The following UBE3B variants were observed in gnomAD, a reference collection of about 807,000 sequenced individuals.
UBE3B encodes the protein ubiquitin protein ligase E3B, also known as ubiquitin-protein ligase E3B.
In UBE3B, 80 loss-of-function variants were observed where a neutral mutation model predicts 132.3. The ratio of observed to expected loss-of-function variants is 0.60; its 90% CI spans 0.50 to 0.73. The LOEUF (loss-of-function observed/expected upper bound fraction) is 0.73. Ranked by LOEUF, UBE3B falls within the 30% of genes least tolerant of loss-of-function variation. The pLI is 0.00. For missense variants in UBE3B, 1,196 were observed against 1,362.5 expected, an observed-to-expected ratio of 0.88 and a Z score of 1.92; for synonymous variants, 487 against 520.4, an observed-to-expected ratio of 0.94 and a Z score of 0.87.
intron 26 of UBE3B, 137 bp downstream of exon 26, chr12:109,530,795 A>G (rs1419210034): frequency 7.1e-6 from 6 of 842,914 alleles, no homozygotes; most frequent in Non-Finnish European, 1.1e-5. Context: ...TCCCACAGGC[A>G]GGCCTCCCGG....
At chr12:109,486,338 G>A in intron 5 of UBE3B, 133 bp from the exon 6 acceptor site, 1 of 783,220 alleles carries the variant, frequency 1.3e-6, no homozygotes, top group Non-Finnish European at 2.1e-6. Context: ...CCTGTTTACA[G>A]CTTATTTGTC....
In UBE3B at chr12:109,527,161, C is replaced by T. The variant is rs563088555; in HGVS notation, c.2627+745C>T. On this transcript the variant is annotated intron_variant, in intron 24 of 27. Coordinates refer to ENST00000342494, the MANE Select transcript of UBE3B (RefSeq NM_130466.4). ...CCGTGATGAATTCAAATGCCACAGA[C>T]GGAGGTCCTTAGACATGGGAATTGG... 5.9e-5 allele frequency among the ~76,000 whole-genome samples: 9 copies of T among 152,298 alleles called. No homozygotes were observed. In the East Asian group the frequency reaches 9.7e-4, roughly 16 times the overall value.
chr12:109,524,581 T>A, intron 23 of UBE3B, 78 bp downstream of exon 23: 1 of 1,507,240 alleles, frequency 6.6e-7, no homozygotes. Context: ...TTTGTTTTCC[T>A]CAGAAAGAGC....
intron 18 of UBE3B, among the ~76,000 whole-genome samples, chr12:109,513,294 G>C (rs1486427416): frequency 6.6e-6 from 1 of 152,164 alleles, no homozygotes; most frequent in Non-Finnish European, 1.5e-5. Flanking sequence ...CACGTGTGCT[G>C]TGGCCACTGG....
intron 26 of UBE3B, among the ~76,000 whole-genome samples, chr12:109,532,237 G>A (rs906995005): frequency 1.3e-5 from 2 of 152,132 alleles, no homozygotes; most frequent in Admixed American, 6.5e-5. Flanking sequence ...CCACAGCCCC[G>A]ACACACAGCA....
Position 109,521,580 on chromosome 12 carries a change from A to G in UBE3B, c.2364+29A>G, listed in dbSNP as rs1468271851. ...GGAACGTTAAGAAACAGAGAAATGT[A>G]AAATAAAATGTTAACGGTACCATGG... is the stretch of plus-strand genomic sequence containing the variant. On this transcript the variant is annotated intron_variant, in intron 21 of 27. Coordinates refer to ENST00000342494, the MANE Select transcript of UBE3B (RefSeq NM_130466.4). This position sits in a 1 kb window ranked among gnomAD's most constrained non-coding sequence, Gnocchi z 4.2. The G allele has an allele frequency of 1.3e-6, 2 of 1,519,234 alleles. No individual in the cohort carries two copies. Among genetic ancestry groups the G allele is most frequent in the South Asian group, 1.3e-5 (1 of 78,202 alleles). The allele number at this position is 1,519,234 out of a possible 1,614,324, so 94.1% of individuals were successfully genotyped here. A position where few individuals can be genotyped will look rare whatever the true frequency, so the allele number is the denominator to read the frequency against.
At chr12:109,491,575 G>A (rs12579621) in intron 9 of UBE3B, 1 of 154,238 alleles carries the variant, frequency 6.5e-6, no homozygotes, top group African/African-American at 2.4e-5. Flanking sequence ...CCTTCACTTA[G>A]TTTGGAGATG....
At chr12:109,493,542 T>C (rs751986014) in intron 9 of UBE3B, among the ~76,000 whole-genome samples, 1 of 152,368 alleles carries the variant, frequency 6.6e-6, no homozygotes, top group Admixed American at 6.5e-5. Context: ...TTAGATTCCA[T>C]TGAATCACTT....
chr12:109,524,615 C>G (rs1034276124), intron 23 of UBE3B, 112 bp downstream of exon 23: 2 of 1,169,766 alleles, frequency 1.7e-6, no homozygotes, highest in East Asian at 5.0e-5. Context: ...TCTGTCTGGT[C>G]CCTTGTCCTC....
Position 109,534,692 on chromosome 12 carries a change from G to A in UBE3B, c.3117G>A (p.Leu1039=). Residue 1039 remains leucine (L), a synonymous_variant, in exon 28 of 28, where the codon CTG becomes CTA. Coordinates refer to ENST00000342494, the MANE Select transcript of UBE3B (RefSeq NM_130466.4). The surrounding 1 kb of genome is among the most constrained non-coding windows in gnomAD (Gnocchi z 5.2). ...RLPTSSTCFN[L]LKLPNYSKKS... Reference sequence around the variant, plus strand: ...CCACCTCCTCCACCTGCTTCAACCTGCTCAAGCTGCCCAACTACAGCAAGA... The same window carrying A: ...CCACCTCCTCCACCTGCTTCAACCTACTCAAGCTGCCCAACTACAGCAAGA... 3.7e-6 allele frequency: 6 copies of A among 1,608,496 alleles called. No individual in the cohort carries two copies. Among genetic ancestry groups the A allele is most frequent in the African/African-American group, 1.3e-5 (1 of 74,652 alleles).
intron 11 of UBE3B, among the ~76,000 whole-genome samples, chr12:109,498,586 G>A (rs187031506): frequency 9.2e-5 from 14 of 152,312 alleles, no homozygotes; most frequent in Admixed American, 3.9e-4. Context: ...TTAGATGTCA[G>A]CCTTTAGCTT....
chr12:109,514,516 A>C (rs895036158), intron 18 of UBE3B, among the ~76,000 whole-genome samples: 1 of 152,020 alleles, frequency 6.6e-6, no homozygotes, highest in Admixed American at 6.6e-5. Context: ...GTCTTCTGCT[A>C]TCTCCACCCC....
rs147492786 is a variant in UBE3B, at chr12:109,534,650, G to T, written c.3075G>T (p.Glu1025Asp). Reference sequence around the variant, plus strand: ...GCTTCTTCACCATCCGCAAGCGGGAGCCAGGCGGCCGCCTGCCCACCTCCT... The same window carrying T: ...GCTTCTTCACCATCCGCAAGCGGGATCCAGGCGGCCGCCTGCCCACCTCCT... ...LRGFFTIRKR[E>D]PGGRLPTSST... Residue 1025 changes from glutamate to aspartate, a missense_variant, in exon 28 of 28, where the codon GAG (glutamate) becomes GAT (aspartate). Coordinates refer to ENST00000342494, the MANE Select transcript of UBE3B (RefSeq NM_130466.4). This position sits in a 1 kb window ranked among gnomAD's most constrained non-coding sequence, Gnocchi z 5.2. 11 of 1,611,732 alleles carry T rather than the reference G, an allele frequency of 6.8e-6. No individual in the cohort carries two copies. In the African/African-American group the frequency reaches 1.3e-4, roughly 20 times the overall value.
At chr12:109,519,130 A>G (rs567123321) in intron 19 of UBE3B, among the ~76,000 whole-genome samples, 13 of 152,316 alleles carry the variant, frequency 8.5e-5, no homozygotes, top group African/African-American at 2.9e-4. Flanking sequence ...ATCCTCAAAC[A>G]TACTCTTACC....
At position 109,535,351 on chromosome 12, in the gene UBE3B, T is replaced by TGCTAGGGAC. The variant is rs1883336432; in HGVS notation, c.*574_*582dup. On this transcript the variant is annotated 3_prime_UTR_variant, in exon 28 of 28. Coordinates refer to ENST00000342494, the MANE Select transcript of UBE3B (RefSeq NM_130466.4). The stretch of plus-strand genomic sequence containing the variant: ...TGCTGCCCAGGGAAGCGCAGGCGCC[T>TGCTAGGGAC]GCTAGGGACGCTATGGACACCGTGA... 6.6e-6 allele frequency: 1 copy of TGCTAGGGAC among 152,252 alleles called. No individual in the cohort carries two copies. The highest frequency in any genetic ancestry group is 1.5e-5 in the Non-Finnish European group (1 of 68,058). 9.4% of individuals were successfully genotyped at this position (152,252 alleles called of 1,614,324 possible). A position where few individuals can be genotyped will look rare whatever the true frequency, so the allele number is the denominator to read the frequency against.
rs927037214 is a variant in UBE3B, at chr12:109,510,620, G to C, written c.1856+162G>C. Among the ~76,000 whole-genome samples the C allele has an allele frequency of 8.7e-4, 133 of 152,222 alleles. 2 individuals carry two copies. The highest frequency in any genetic ancestry group is 2.1e-4 in the Non-Finnish European group (14 of 68,038). On this transcript the variant is annotated intron_variant, in intron 17 of 27. Coordinates refer to ENST00000342494, the MANE Select transcript of UBE3B (RefSeq NM_130466.4). The stretch of plus-strand genomic sequence containing the variant: ...GAGCTGCTGTCCCTGTGAAGCACCT[G>C]TCAGGACGCTTCTGTTAAGAGATGT...
In UBE3B at chr12:109,490,464, T is replaced by G; in HGVS notation, c.630+460T>G. On this transcript the variant is annotated intron_variant, in intron 8 of 27. Transcript: ENST00000342494. ...GAAGTCTTGAGTTTGAGAAGTAATG[T>G]TGACTTTGCCCTTCCTTCTCCCTAG... 2.0e-6 allele frequency: 3 copies of G among 1,535,300 alleles called. No homozygotes were observed. The South Asian group carries it at 3.6e-5, about 18-fold the overall frequency.
chr12:109,521,641 C>A lies in UBE3B; in HGVS notation c.2364+90C>A. 8.2e-7 allele frequency: 1 copy of A among 1,220,532 alleles called. No individual in the cohort carries two copies. Among genetic ancestry groups the A allele is most frequent in the East Asian group, 2.4e-5 (1 of 41,498 alleles). 75.6% of individuals were successfully genotyped at this position (1,220,532 alleles called of 1,614,324 possible). On this transcript the variant is annotated intron_variant, in intron 21 of 27. Coordinates refer to ENST00000342494, the MANE Select transcript of UBE3B (RefSeq NM_130466.4). The surrounding 1 kb of genome is among the most constrained non-coding windows in gnomAD (Gnocchi z 4.2). The stretch of plus-strand genomic sequence containing the variant: ...ATACACATATGTGATCAGGCTTGGC[C>A]ATGTAAACTGTCACTAGGATACAAG...
the UBE3B span, among the ~76,000 whole-genome samples, chr12:109,543,194 C>T: frequency 3.2e-4 from 49 of 152,364 alleles, no homozygotes; most frequent in Middle Eastern, 3.4e-3. Flanking sequence ...GCTGCGTGTG[C>T]GTGTGGCTTG....
Sources: gnomAD v4.1 joint callset for allele counts (sites outside exome capture counted in the v4.1 genomes callset) on GRCh38, gnomAD v4.1.1 for gene constraint, Gnocchi (gnomAD v3.1) non-coding constraint, MANE v1.5 for transcripts, NCBI Gene and HGNC (gene_info 2026-07-23, HGNC 2026-07-21) for gene names.